The following SLC23A1 variants were observed in gnomAD, a reference collection of about 807,000 sequenced individuals.
SLC23A1 encodes solute carrier family 23 member 1.
SLC23A1 carries 31 observed loss-of-function variants against 62.5 expected under a neutral mutation model. The observed-to-expected ratio is 0.50, with a 90% confidence interval of 0.37 to 0.67. The LOEUF is 0.67. Among genes scored for constraint, SLC23A1 ranks in the 30% least tolerant of loss-of-function variants. SLC23A1 has a pLI of 0.00. For synonymous variants in SLC23A1, 271 were observed against 313.2 expected (o/e 0.87, Z 1.42); for missense variants, 640 against 782.7 (o/e 0.82, Z 2.18).
intron 13 of SLC23A1, among the ~76,000 whole-genome samples, chr5:139,375,393 A>G (rs556405003): frequency 2.4e-4 from 37 of 152,344 alleles, no homozygotes; most frequent in African/African-American, 8.9e-4. Flanking sequence ...GCCAGATGGT[A>G]TATAGCATGC....
intron 6 of SLC23A1, 58 bp from the exon 7 acceptor site, chr5:139,380,134 G>C (rs375573698): frequency 3.1e-5 from 48 of 1,570,720 alleles, no homozygotes; most frequent in Non-Finnish European, 4.1e-5. Flanking sequence ...GCCAGGAGCC[G>C]GGAAGAAGGA....
chr5:139,379,386 C>T lies in SLC23A1; in HGVS notation c.926-32G>A. ...TCGGAGGGAGACAGGATGGTGGCTA[C>T]AGTGAGGAGACTGTGATGGTTAGGA... On this transcript the variant is annotated intron_variant, in intron 8 of 14. Coordinates refer to ENST00000348729, the MANE Select transcript of SLC23A1 (RefSeq NM_005847.5). This position sits in a 1 kb window ranked among gnomAD's most constrained non-coding sequence, Gnocchi z 4.7. The T allele has an allele frequency of 6.2e-7, 1 of 1,610,042 alleles. No homozygotes were observed. Among genetic ancestry groups the T allele is most frequent in the Non-Finnish European group, 8.5e-7 (1 of 1,176,516 alleles).
Position 139,379,878 on chromosome 5 carries a change from C to G in SLC23A1, c.769-44G>C. On this transcript the variant is annotated intron_variant, in intron 7 of 14. Transcript: ENST00000348729. This position sits in a 1 kb window ranked among gnomAD's most constrained non-coding sequence, Gnocchi z 4.7. ...GGGGCACTGAAGGCACTGGAGGTCT[C>G]TGTCCAGGCTAACCTGCTCCCACCT... 1 of 1,613,958 alleles carries G rather than the reference C, an allele frequency of 6.2e-7. No individual in the cohort carries two copies. Among genetic ancestry groups the G allele is most frequent in the South Asian group, 1.1e-5 (1 of 91,068 alleles).
upstream of SLC23A1, among the ~76,000 whole-genome samples, chr5:139,385,258 C>A (rs142873275): frequency 1.4e-4 from 21 of 152,340 alleles, no homozygotes; most frequent in Non-Finnish European, 2.5e-4. Flanking sequence ...CACTCACAAA[C>A]GAAACTGAAA....
At position 139,378,785 on chromosome 5, in the gene SLC23A1, G is replaced by A. The variant is rs11950646; in HGVS notation, c.1074-101C>T. 494,323 of 841,620 alleles carry A rather than the reference G, an allele frequency of 0.59. 155,389 individuals are homozygous for A. Among genetic ancestry groups the A allele is most frequent in the Non-Finnish European group, 0.66 (335,889 of 508,204 alleles). 52.1% of individuals were successfully genotyped at this position (841,620 alleles called of 1,614,324 possible). A position where few individuals can be genotyped will look rare whatever the true frequency, so the allele number is the denominator to read the frequency against. On this transcript the variant is annotated intron_variant, in intron 9 of 14. Coordinates refer to ENST00000348729, the MANE Select transcript of SLC23A1 (RefSeq NM_005847.5). The surrounding 1 kb of genome is among the most constrained non-coding windows in gnomAD (Gnocchi z 4.5). ...GCCGTCCTCTGGGGCTGTGGGGGCT[G>A]CAGCTATCAGCTGTAGCACTCCCTA...
chr5:139,370,390 T>A (rs1487712053), intron 14 of SLC23A1, among the ~76,000 whole-genome samples: 2 of 152,162 alleles, frequency 1.3e-5, no homozygotes, highest in African/African-American at 2.4e-5. Context: ...GGGCTGGTCT[T>A]GAACTCCTGA....
At position 139,378,243 on chromosome 5, in the gene SLC23A1, C is replaced by T. The variant is rs1434501762; in HGVS notation, c.1288G>A (p.Gly430Ser). Residue 430 changes from glycine to serine, a missense_variant, in exon 11 of 15, where the codon GGC (glycine) becomes AGC (serine). Physicochemically the swap from Gly to Ser is moderately conservative, Grantham distance 56. Transcript: ENST00000348729. This position sits in a 1 kb window ranked among gnomAD's most constrained non-coding sequence, Gnocchi z 4.5. ...TCACCAAAGAGAGTGCAGAACATGC[C>T]CCCCAGGATGGGGTCAGGGAGCGAG... ...FASLPDPILG[G>S]MFCTLFGMIT... The T allele has an allele frequency of 1.2e-6, 2 of 1,612,304 alleles. No homozygotes were observed. Among genetic ancestry groups the T allele is most frequent in the African/African-American group, 2.7e-5 (2 of 74,880 alleles).
chr5:139,376,509 G>A (rs1019596091), intron 13 of SLC23A1, among the ~76,000 whole-genome samples: 3 of 152,196 alleles, frequency 2.0e-5, no homozygotes, highest in Non-Finnish European at 4.4e-5. Flanking sequence ...TGTGGTTTTT[G>A]AGGATGAAGT....
chr5:139,368,143 G>C (rs1413564034), intron 14 of SLC23A1, among the ~76,000 whole-genome samples: 1 of 152,178 alleles, frequency 6.6e-6, no homozygotes, highest in Non-Finnish European at 1.5e-5. Flanking sequence ...AGACCATCCT[G>C]GCTAACATGG....
At chr5:139,376,763 T>TG (rs1430051977) in intron 13 of SLC23A1, among the ~76,000 whole-genome samples, 7 of 152,216 alleles carry the variant, frequency 4.6e-5, no homozygotes, top group Admixed American at 4.6e-4. Flanking sequence ...AACAAACTGA[T>TG]GCTGCATTTA....
At position 139,379,847 on chromosome 5, in the gene SLC23A1, G is replaced by A. The variant is rs1305529329; in HGVS notation, c.769-13C>T. On this transcript the variant is annotated splice_polypyrimidine_tract_variant and intron_variant, in intron 7 of 14. Coordinates refer to ENST00000348729, the MANE Select transcript of SLC23A1 (RefSeq NM_005847.5). This position sits in a 1 kb window ranked among gnomAD's most constrained non-coding sequence, Gnocchi z 4.7. ...TGGCCAGCATGATCTGAAGGAGGGGGGTGAGGGGGCACTGAAGGCACTGGA... is the reference window on the plus strand; with the variant it reads ...TGGCCAGCATGATCTGAAGGAGGGGAGTGAGGGGGCACTGAAGGCACTGGA... The A allele has an allele frequency of 2.5e-6, 4 of 1,614,084 alleles. No homozygotes were observed. The South Asian group carries it at 3.3e-5, about 13-fold the overall frequency.
At chr5:139,381,858 G>A in intron 3 of SLC23A1, 34 bp downstream of exon 3, 4 of 1,523,114 alleles carry the variant, frequency 2.6e-6, no homozygotes, top group Non-Finnish European at 3.6e-6. Context: ...GTGGAGGGGT[G>A]GCGGGGGACG....
rs781103855 is a variant in SLC23A1 at position 139,378,261 on chromosome 5, G to T, written c.1270C>A (p.Pro424Thr). The T allele has an allele frequency of 6.2e-7, 1 of 1,609,936 alleles. No individual in the cohort carries two copies. The highest frequency in any genetic ancestry group is 8.5e-7 in the Non-Finnish European group (1 of 1,178,468). The change falls in exon 11 of 15, where the codon CCT (proline) becomes ACT (threonine). Residue 424 changes from proline to threonine, a missense_variant. By Grantham distance (38) the Pro-to-Thr change is conservative. Transcript: ENST00000348729. This position sits in a 1 kb window ranked among gnomAD's most constrained non-coding sequence, Gnocchi z 4.5. ...AACATGCCCCCCAGGATGGGGTCAG[G>T]GAGCGAGGCGAAGAGGGCCGTGAAC... ...GKFTALFASL[P>T]DPILGGMFCT... is the part of the protein sequence containing the mutation.
chr5:139,370,940 G>T (rs1462799545), intron 14 of SLC23A1, among the ~76,000 whole-genome samples: 3 of 151,970 alleles, frequency 2.0e-5, no homozygotes, highest in Admixed American at 2.0e-4. Context: ...AAATAAGCTG[G>T]GCATGGTGGT....
intron 13 of SLC23A1, among the ~76,000 whole-genome samples, chr5:139,377,010 T>A (rs1024602355): frequency 2.0e-5 from 3 of 151,930 alleles, no homozygotes; most frequent in African/African-American, 7.3e-5. Context: ...TAGTCCCAGC[T>A]ACTCAGGAGA....
At chr5:139,371,382 C>T (rs1757658667) in intron 14 of SLC23A1, among the ~76,000 whole-genome samples, 1 of 152,124 alleles carries the variant, frequency 6.6e-6, no homozygotes, top group African/African-American at 2.4e-5. Flanking sequence ...AGTAGAGAGC[C>T]AGGCATCTGC....
At chr5:139,373,876 C>T (rs528047728) in intron 13 of SLC23A1, among the ~76,000 whole-genome samples, 221 of 152,210 alleles carry the variant, frequency 1.5e-3, no homozygotes, top group Non-Finnish European at 2.8e-3. Flanking sequence ...TTCTGGTGTC[C>T]GATTACCTCG....
chr5:139,369,791 C>T (rs1177644323), intron 14 of SLC23A1: 1 of 152,280 alleles, frequency 6.6e-6, no homozygotes, highest in East Asian at 1.9e-4. Context: ...CCCAGTGCCT[C>T]AGGACAATCT....
chr5:139,383,432 G>A, upstream of SLC23A1: 1 of 1,323,112 alleles, frequency 7.6e-7, no homozygotes, highest in Non-Finnish European at 9.7e-7. Context: ...CTCTCACTAG[G>A]ACAGTAAAAG....
Sources: allele counts gnomAD v4.1 joint callset (sites outside exome capture counted in the v4.1 genomes callset), GRCh38; gene constraint gnomAD v4.1.1; non-coding constraint Gnocchi (gnomAD v3.1); transcripts MANE v1.5; gene names NCBI Gene and HGNC (gene_info 2026-07-23, HGNC 2026-07-21).